The following KDM6A variants were observed in gnomAD, a reference collection of about 807,000 sequenced individuals.
KDM6A encodes the protein lysine demethylase 6A.
Under a neutral mutation model 117.6 loss-of-function variants are expected in KDM6A, and 11 were observed. The ratio of observed to expected loss-of-function variants is 0.09; its 90% CI spans 0.06 to 0.15. The LOEUF (loss-of-function observed/expected upper bound fraction) is 0.15, where lower values mean the gene tolerates loss of function less well. KDM6A is among the 10% of genes least tolerant of loss of function. KDM6A has a pLI of 1.00. For synonymous variants in KDM6A, 384 were observed against 396.1 expected, an observed-to-expected ratio of 0.97 and a Z score of 0.36; for missense variants, 799 against 1,077.3, an observed-to-expected ratio of 0.74 and a Z score of 3.62.
intron 2 of KDM6A, among the ~76,000 whole-genome samples, chrX:44,876,921 A>G (rs1402415432): frequency 1.8e-5 from 2 of 111,368 alleles, no homozygotes; most frequent in African/African-American, 6.5e-5. Context: ...GTATACACAC[A>G]TATACATATA....
intron 28 of KDM6A, among the ~76,000 whole-genome samples, chrX:45,107,905 A>G (rs1174986886): frequency 8.9e-6 from 1 of 111,865 alleles, no homozygotes; most frequent in African/African-American, 3.2e-5. Flanking sequence ...CTCTGGTGCA[A>G]TTAACAATAC....
chrX:44,905,068 A>C (rs912086725), intron 2 of KDM6A, among the ~76,000 whole-genome samples: 46 of 112,377 alleles, frequency 4.1e-4, no homozygotes, highest in Non-Finnish European at 1.7e-4. Flanking sequence ...CAGATCTTTC[A>C]GTTCAAATTC....
intron 18 of KDM6A, 138 bp downstream of exon 18, chrX:45,070,495 T>C: frequency 3.5e-6 from 2 of 579,003 alleles, no homozygotes; most frequent in Non-Finnish European, 5.7e-6. Flanking sequence ...GACAGAAGCT[T>C]TATTTTGCTT....
At chrX:44,904,420 C>G (rs778872715) in intron 2 of KDM6A, among the ~76,000 whole-genome samples, 2 of 111,939 alleles carry the variant, frequency 1.8e-5, no homozygotes, top group Non-Finnish European at 3.8e-5. Flanking sequence ...TTAGGTTTTT[C>G]ATATTTTTGT....
chrX:45,089,463 T>C lies in KDM6A; in HGVS notation c.3705-280T>C, dbSNP rs907938669. On this transcript the variant is annotated intron_variant, in intron 25 of 29. Transcript: ENST00000611820. ...ATTGCTTGAGCCCAGGAGGCGGAGG[T>C]TGCAGTGAGCCTAGATGGAGCCACT... Among the ~76,000 whole-genome samples, 6 of 107,709 alleles carry C rather than the reference T, an allele frequency of 5.6e-5. No homozygotes were observed. The Admixed American group carries it at 6.0e-4, about 11-fold the overall frequency. 93.5% of individuals were successfully genotyped at this position (107,709 alleles called of 115,157 possible).
chrX:44,953,780 T>TA (rs2038156952), intron 2 of KDM6A, among the ~76,000 whole-genome samples: 1 of 111,631 alleles, frequency 9.0e-6, no homozygotes, highest in South Asian at 3.7e-4. Flanking sequence ...CAGGAGTAGA[T>TA]ATGTCATTAA....
chrX:44,951,798 T>G (rs1270286048), intron 2 of KDM6A, among the ~76,000 whole-genome samples: 1 of 111,655 alleles, frequency 9.0e-6, no homozygotes, highest in African/African-American at 3.3e-5. Flanking sequence ...ACTACCTTAC[T>G]GCTCAGAGGC....
rs143731309 is a variant in KDM6A, at chrX:45,063,574, T to C, written c.1836T>C (p.Pro612=). 1.7e-5 allele frequency: 21 copies of C among 1,210,007 alleles called. No homozygotes were observed. The African/African-American group carries it at 2.5e-4, about 14-fold the overall frequency. The change falls in exon 17 of 30, where the codon CCT becomes CCC. Residue 612 remains proline, a synonymous_variant. Transcript: ENST00000611820. The stretch of plus-strand genomic sequence containing the variant: ...GCGTCTCTCAGCCTGGAGTCCGTCC[T>C]GCCTGCCCTGGGCAGCCTTTGGCCA... ...VPSVSQPGVR[P]ACPGQPLANG...
chrX:44,977,636 T>G lies in KDM6A; in HGVS notation c.384+2921T>G, dbSNP rs182509045. On this transcript the variant is annotated intron_variant, in intron 4 of 29. Coordinates refer to ENST00000611820, the MANE Select transcript of KDM6A (RefSeq NM_001291415.2). ...AAAGTGGGATCATTGTGTTGAAGGG[T>G]ATTTGCTCCTTTGGGATTGAACCAT... Among the ~76,000 whole-genome samples the G allele has an allele frequency of 1.5e-4, 17 of 111,549 alleles. No individual in the cohort carries two copies. The East Asian group carries it at 4.5e-3, about 30-fold the overall frequency.
At chrX:44,987,400 C>T (rs1306611409) in intron 4 of KDM6A, among the ~76,000 whole-genome samples, 1 of 111,458 alleles carries the variant, frequency 9.0e-6, no homozygotes, top group East Asian at 2.8e-4. Context: ...GCATTTAGCC[C>T]ATTTCCAATT....
At chrX:44,990,803 T>G (rs1003702413) in intron 4 of KDM6A, among the ~76,000 whole-genome samples, 5 of 111,990 alleles carry the variant, frequency 4.5e-5, no homozygotes, top group Non-Finnish European at 7.5e-5. Context: ...TTTGGGTTAT[T>G]TGACTATGTA....
intron 18 of KDM6A, among the ~76,000 whole-genome samples, chrX:45,072,616 T>C (rs1416959877): frequency 1.8e-5 from 2 of 109,486 alleles, no homozygotes; most frequent in Non-Finnish European, 3.8e-5. Context: ...TCCTAGGTAC[T>C]GCTGCTCTAA....
In KDM6A at chrX:44,925,306, C is replaced by T. The variant is rs914697943; in HGVS notation, c.226-35978C>T. Among the ~76,000 whole-genome samples the T allele has an allele frequency of 5.4e-5, 6 of 111,229 alleles. No individual in the cohort carries two copies. In the South Asian group the frequency reaches 2.2e-3, roughly 42 times the overall value. On this transcript the variant is annotated intron_variant, in intron 2 of 29. Transcript: ENST00000611820. Reference sequence around the variant, plus strand: ...TTCTGCCTGCATTCCCCTACCTTTGCCTTTGTGTCGGAACTCTCTCCATGG... The same window carrying T: ...TTCTGCCTGCATTCCCCTACCTTTGTCTTTGTGTCGGAACTCTCTCCATGG...
At chrX:44,941,265 A>G (rs1569464020) in intron 2 of KDM6A, among the ~76,000 whole-genome samples, 1 of 111,178 alleles carries the variant, frequency 9.0e-6, no homozygotes, top group Non-Finnish European at 1.9e-5. Context: ...AATATTAATG[A>G]AAATAATTTT....
At chrX:44,895,909 T>C (rs2033810921) in intron 2 of KDM6A, among the ~76,000 whole-genome samples, 2 of 108,998 alleles carry the variant, frequency 1.8e-5, no homozygotes, top group Admixed American at 2.0e-4. Flanking sequence ...TTTTAATGTT[T>C]TTGAATATAT....
Position 44,893,723 on chromosome X carries a change from A to G in KDM6A, c.225+19736A>G, listed in dbSNP as rs1335608848. Among the ~76,000 whole-genome samples the G allele has an allele frequency of 3.6e-5, 4 of 110,040 alleles. No homozygotes were observed. The East Asian group carries it at 1.1e-3, about 31-fold the overall frequency. Reference sequence around the variant, plus strand: ...ACGGGGTTTCACTGCATTAGCCAGTATGGTCTCCTGGGAAAGCATTCAATA... The same window carrying G: ...ACGGGGTTTCACTGCATTAGCCAGTGTGGTCTCCTGGGAAAGCATTCAATA... On this transcript the variant is annotated intron_variant, in intron 2 of 29. Coordinates refer to ENST00000611820, the MANE Select transcript of KDM6A (RefSeq NM_001291415.2).
At chrX:45,081,195 G>A (rs1042013876) in intron 21 of KDM6A, among the ~76,000 whole-genome samples, 1 of 112,044 alleles carries the variant, frequency 8.9e-6, no homozygotes, top group Non-Finnish European at 1.9e-5. Context: ...GCTTCCCAAA[G>A]TGCTGAGATT....
chrX:45,025,245 C>T (rs1413121012), intron 6 of KDM6A, among the ~76,000 whole-genome samples: 1 of 111,480 alleles, frequency 9.0e-6, no homozygotes, highest in Non-Finnish European at 1.9e-5. Context: ...TCACTGCAAC[C>T]TCCGCCTCCC....
chrX:45,065,316 G>A (rs1413766920), intron 17 of KDM6A, among the ~76,000 whole-genome samples: 1 of 111,783 alleles, frequency 8.9e-6, no homozygotes, highest in Non-Finnish European at 1.9e-5. Flanking sequence ...TGAGAAGAGA[G>A]AGAAATGTGC....
Sources: allele counts gnomAD v4.1 joint callset (sites outside exome capture counted in the v4.1 genomes callset), GRCh38; gene constraint gnomAD v4.1.1; transcripts MANE v1.5; gene names NCBI Gene and HGNC (gene_info 2026-07-23, HGNC 2026-07-21).